Variants in PKHD1 observed in about 807,000 individuals in gnomAD.
PKHD1 encodes PKHD1 ciliary IPT domain containing fibrocystin/polyductin.
Under a neutral mutation model 412.0 loss-of-function variants are expected in PKHD1, and 291 were observed. The ratio of observed to expected loss-of-function variants is 0.71; its 90% CI spans 0.64 to 0.78. The LOEUF (loss-of-function observed/expected upper bound fraction) is 0.78, where lower values mean the gene tolerates loss of function less well. Ranked by LOEUF, PKHD1 falls within the 30% of genes least tolerant of loss-of-function variation. PKHD1 has a pLI of 0.00. For missense variants in PKHD1, 4,825 were observed against 4,950.7 expected, an observed-to-expected ratio of 0.97 and a Z score of 0.76; for synonymous variants, 1,777 against 1,821.5, an observed-to-expected ratio of 0.98 and a Z score of 0.62.
At chr6:51,871,310 C>A in intron 46 of PKHD1, among the ~76,000 whole-genome samples, 1 of 121,864 alleles carries the variant, frequency 8.2e-6, no homozygotes, top group Non-Finnish European at 2.1e-5. Context: ...TAACAAACTG[C>A]ATTACATCTA....
Position 51,655,986 on chromosome 6 carries a change from G to A in PKHD1, c.11174+2966C>T, listed in dbSNP as rs138386401. 3.6e-3 allele frequency among the ~76,000 whole-genome samples: 545 copies of A among 152,160 alleles called. 1 individual carries two copies. Among genetic ancestry groups the A allele is most frequent in the Non-Finnish European group, 4.3e-3 (290 of 68,004 alleles). ...CATTTGACTCAGCAATCCCACTACT[G>A]GGGATATACCCAAAGGATTATTTAT... On this transcript the variant is annotated intron_variant, in intron 61 of 66. Coordinates refer to ENST00000371117, the MANE Select transcript of PKHD1 (RefSeq NM_138694.4).
At chr6:51,708,178 C>T (rs1281042956) in intron 60 of PKHD1, among the ~76,000 whole-genome samples, 4 of 152,178 alleles carry the variant, frequency 2.6e-5, no homozygotes. Flanking sequence ...CATGGCACCA[C>T]CAGCCACTCA....
intron 13 of PKHD1, 96 bp from the exon 14 acceptor site, chr6:52,062,756 A>ATGCT (rs1808880827): frequency 1.4e-6 from 2 of 1,472,456 alleles, no homozygotes; most frequent in East Asian, 4.5e-5. Context: ...GATGACCCAG[A>ATGCT]TGCTACCTGT....
At chr6:51,734,427 T>C (rs1293386565) in intron 60 of PKHD1, among the ~76,000 whole-genome samples, 2 of 152,190 alleles carry the variant, frequency 1.3e-5, no homozygotes, top group Non-Finnish European at 2.9e-5. Context: ...TTGACTTTCT[T>C]ATTCACATTT....
intron 35 of PKHD1, among the ~76,000 whole-genome samples, chr6:51,995,561 C>T (rs1271226652): frequency 3.3e-5 from 5 of 152,196 alleles, no homozygotes; most frequent in Admixed American, 6.5e-5. Context: ...CTTCCCTTAT[C>T]CACATCCTGG....
At chr6:51,959,302 A>C (rs1241651015) in intron 36 of PKHD1, among the ~76,000 whole-genome samples, 1 of 152,158 alleles carries the variant, frequency 6.6e-6, no homozygotes, top group African/African-American at 2.4e-5. Context: ...AGAAATGCAC[A>C]AAGAGGTGAA....
chr6:51,891,266 T>G (rs184787476), intron 43 of PKHD1, among the ~76,000 whole-genome samples: 2 of 149,772 alleles, frequency 1.3e-5, no homozygotes, highest in Admixed American at 1.3e-4. Flanking sequence ...TGGGGTTTTG[T>G]TTTTTTGTTT....
intron 43 of PKHD1, among the ~76,000 whole-genome samples, chr6:51,887,552 C>T (rs965276378): frequency 6.6e-6 from 1 of 152,106 alleles, no homozygotes; most frequent in African/African-American, 2.4e-5. Context: ...CACTGTCCCC[C>T]CTTAGTACTG....
At chr6:51,983,595 G>T (rs1187415943) in intron 35 of PKHD1, among the ~76,000 whole-genome samples, 6 of 152,232 alleles carry the variant, frequency 3.9e-5, no homozygotes, top group Non-Finnish European at 7.3e-5. Flanking sequence ...GAAACCTACT[G>T]TCAATAAAAC....
chr6:51,735,640 T>G (rs1378917788), intron 60 of PKHD1, among the ~76,000 whole-genome samples: 1 of 152,010 alleles, frequency 6.6e-6, no homozygotes, highest in Non-Finnish European at 1.5e-5. Flanking sequence ...AAAACACAGT[T>G]CGGGGCTGGG....
chr6:51,787,782 G>A (rs1414501454), intron 53 of PKHD1, among the ~76,000 whole-genome samples: 1 of 152,106 alleles, frequency 6.6e-6, no homozygotes, highest in Non-Finnish European at 1.5e-5. Flanking sequence ...ACCTTCAAAG[G>A]TACAAATTTT....
chr6:51,813,724 G>C (rs916503787), intron 52 of PKHD1, among the ~76,000 whole-genome samples: 6 of 152,132 alleles, frequency 3.9e-5, no homozygotes, highest in Non-Finnish European at 5.9e-5. Context: ...GTAGAAATAG[G>C]ATAGGAAAAG....
chr6:52,056,950 GA>G lies in PKHD1; in HGVS notation c.1541del (p.Phe514SerfsTer21), dbSNP rs1160607223. Reference sequence around the variant, plus strand: ...TAGAGACATTGTCCCAAGTAAGGAAGAAGTTTCCTCTGCCTGATACATTCAG... The same window carrying G: ...TAGAGACATTGTCCCAAGTAAGGAAGAGTTTCCTCTGCCTGATACATTCAG... Reference protein sequence around the residue: ...QVLNVSGRGNFFLTWDNVSSQ... With the variant: ...QVLNVSGRGNXFLTWDNVSSQ... On this transcript the variant is annotated frameshift_variant, in exon 17 of 67. Transcript: ENST00000371117. LOFTEE classifies it high-confidence loss of function. The G allele has an allele frequency of 6.2e-7, 1 of 1,613,882 alleles. No homozygotes were observed. The highest frequency in any genetic ancestry group is 8.5e-7 in the Non-Finnish European group (1 of 1,179,770).
At chr6:51,994,707 G>A (rs571471892) in intron 35 of PKHD1, among the ~76,000 whole-genome samples, 4 of 151,888 alleles carry the variant, frequency 2.6e-5, no homozygotes, top group Admixed American at 6.6e-5. Context: ...TCAGACTCCC[G>A]AGTAGCTAGG....
chr6:51,642,978 A>G (rs549257297), intron 63 of PKHD1, among the ~76,000 whole-genome samples: 25 of 152,166 alleles, frequency 1.6e-4, no homozygotes, highest in Non-Finnish European at 2.5e-4. Flanking sequence ...AATATGGGTA[A>G]CACATGGAGT....
At chr6:51,848,681 T>C (rs180745396) in intron 49 of PKHD1, among the ~76,000 whole-genome samples, 3 of 152,296 alleles carry the variant, frequency 2.0e-5, no homozygotes, top group Non-Finnish European at 2.9e-5. Flanking sequence ...ACATCCTTTC[T>C]GAAAGCCATG....
chr6:51,619,574 T>A, intron 66 of PKHD1, 54 bp from the exon 67 acceptor site: 1 of 1,427,032 alleles, frequency 7.0e-7, no homozygotes, highest in Non-Finnish European at 9.9e-7. Flanking sequence ...ACCAGTTAAT[T>A]ACACATTTTG....
At chr6:51,671,720 GT>G (rs1415974889) in intron 60 of PKHD1, among the ~76,000 whole-genome samples, 1 of 152,136 alleles carries the variant, frequency 6.6e-6, no homozygotes, top group African/African-American at 2.4e-5. Context: ...GTACAGATGA[GT>G]TTTTGGTGTG....
chr6:51,900,910 T>TA (rs896162637), intron 43 of PKHD1, among the ~76,000 whole-genome samples: 2 of 151,954 alleles, frequency 1.3e-5, no homozygotes, highest in Admixed American at 6.6e-5. Context: ...AAAAAACACA[T>TA]AAAAAAATGC....
Sources: allele counts gnomAD v4.1 joint callset (sites outside exome capture counted in the v4.1 genomes callset), GRCh38; gene constraint gnomAD v4.1.1; transcripts MANE v1.5; gene names NCBI Gene and HGNC (gene_info 2026-07-23, HGNC 2026-07-21).